The following DOCK1 variants were observed in gnomAD, a reference collection of about 807,000 sequenced individuals.
The protein encoded by DOCK1 is dedicator of cytokinesis 1.
A neutral mutation model predicts 262.7 loss-of-function variants in DOCK1; 138 were observed. The observed-to-expected ratio is 0.53, with a 90% CI of 0.46 to 0.61. The LOEUF (loss-of-function observed/expected upper bound fraction) is 0.61. Among genes scored for constraint, DOCK1 ranks in the 20% least tolerant of loss-of-function variants. The pLI, the probability that DOCK1 is intolerant of heterozygous loss-of-function variation, is 0.00. For missense variants in DOCK1, 1,908 were observed against 2,370.7 expected (o/e 0.80, Z 4.05); for synonymous variants, 866 against 867.4 (o/e 1.00, Z 0.03).
intron 29 of DOCK1, among the ~76,000 whole-genome samples, chr10:127,302,683 T>C (rs2061722538): frequency 6.6e-6 from 1 of 151,918 alleles, no homozygotes; most frequent in Non-Finnish European, 1.5e-5. Flanking sequence ...TGATAGTTTG[T>C]AGGCACAATC....
intron 3 of DOCK1, among the ~76,000 whole-genome samples, chr10:126,981,298 T>A (rs1010392551): frequency 1.1e-4 from 17 of 152,220 alleles, no homozygotes; most frequent in African/African-American, 3.1e-4. Flanking sequence ...TGAGGCTGAA[T>A]GTCCTGTTGA....
chr10:126,922,562 C>T (rs1012055937), intron 1 of DOCK1, among the ~76,000 whole-genome samples: 2 of 152,114 alleles, frequency 1.3e-5, no homozygotes, highest in African/African-American at 2.4e-5. Flanking sequence ...CGGAGGGAGG[C>T]GCCATGATCC....
At chr10:127,418,318 T>C in intron 44 of DOCK1, 47 bp from the exon 45 acceptor site, 2 of 1,540,406 alleles carry the variant, frequency 1.3e-6, no homozygotes, top group South Asian at 1.3e-5. Context: ...ACCCTGGGAG[T>C]GGAGGCAGCT....
In DOCK1 at chr10:127,181,507, C is replaced by T. The variant is rs187351480; in HGVS notation, c.2847+53743C>T. Among the ~76,000 whole-genome samples, 705 of 152,250 alleles carry T rather than the reference C, an allele frequency of 4.6e-3. 8 individuals carry two copies. Among genetic ancestry groups the T allele is most frequent in the Non-Finnish European group, 6.0e-3 (405 of 68,034 alleles). ...ACACCTCCCAGGGCCCAGCAGTCTC[C>T]GCATATAGTAAGATAGCTAGGCAAG... On this transcript the variant is annotated intron_variant, in intron 27 of 51. Transcript: ENST00000623213.
intron 6 of DOCK1, 137 bp from the exon 7 acceptor site, chr10:126,996,611 T>A: frequency 1.3e-6 from 1 of 766,708 alleles, no homozygotes; most frequent in Non-Finnish European, 1.9e-6. Flanking sequence ...TCCAAGAATT[T>A]TATATTCCTA....
At chr10:127,294,889 G>A (rs998940219) in intron 29 of DOCK1, among the ~76,000 whole-genome samples, 143 of 151,306 alleles carry the variant, frequency 9.5e-4, no homozygotes, top group Non-Finnish European at 1.1e-3. Flanking sequence ...TGATCCGCCC[G>A]CCTCAGTCTC....
chr10:127,354,297 G>A (rs777543860), intron 31 of DOCK1, among the ~76,000 whole-genome samples: 3 of 152,208 alleles, frequency 2.0e-5, no homozygotes, highest in African/African-American at 4.8e-5. Flanking sequence ...GCAACCTGTT[G>A]TGTGCAGTAG....
chr10:127,105,167 CT>C (rs1213790262), intron 23 of DOCK1, among the ~76,000 whole-genome samples: 1 of 152,194 alleles, frequency 6.6e-6, no homozygotes, highest in East Asian at 1.9e-4. Context: ...GCTTTTGCTC[CT>C]CCTTCACCTT....
At chr10:127,191,091 T>G (rs1434913038) in intron 27 of DOCK1, among the ~76,000 whole-genome samples, 1 of 152,164 alleles carries the variant, frequency 6.6e-6, no homozygotes, top group Non-Finnish European at 1.5e-5. Flanking sequence ...CATACAAGTC[T>G]GTAGCCCTGA....
At chr10:127,297,499 A>G (rs1460275633) in intron 29 of DOCK1, among the ~76,000 whole-genome samples, 1 of 149,458 alleles carries the variant, frequency 6.7e-6, no homozygotes, top group African/African-American at 2.5e-5. Flanking sequence ...GTGAGCACAG[A>G]AGGAGGAGAG....
intron 23 of DOCK1, among the ~76,000 whole-genome samples, chr10:127,066,518 T>C (rs2045884182): frequency 2.0e-5 from 3 of 152,160 alleles, no homozygotes; most frequent in African/African-American, 7.2e-5. Flanking sequence ...CAGATTCCAG[T>C]GTGTGACATC....
chr10:126,960,745 T>TATATATATATAC (rs1429186588), intron 1 of DOCK1, among the ~76,000 whole-genome samples: 35 of 115,522 alleles, frequency 3.0e-4, no homozygotes, highest in African/African-American at 1.4e-3. Flanking sequence ...TATATATATA[T>TATATATATATAC]ACACACACAC....
chr10:127,441,750 T>G (rs2070165145), intron 49 of DOCK1, among the ~76,000 whole-genome samples: 2 of 42,852 alleles, frequency 4.7e-5, no homozygotes, highest in South Asian at 1.5e-3. Flanking sequence ...GGGCCTCCCC[T>G]GCACCCCAGC....
intron 11 of DOCK1, among the ~76,000 whole-genome samples, chr10:127,011,127 C>G (rs1335833231): frequency 6.6e-6 from 1 of 152,060 alleles, no homozygotes; most frequent in Admixed American, 6.5e-5. Flanking sequence ...ATGTGTAACT[C>G]TTATGTAATT....
intron 25 of DOCK1, among the ~76,000 whole-genome samples, chr10:127,111,316 TA>T (rs901369886): frequency 5.3e-5 from 8 of 152,208 alleles, no homozygotes; most frequent in Non-Finnish European, 8.8e-5. Flanking sequence ...TGACTTCATT[TA>T]GGTGAGAGTG....
rs1360714522 is a variant in DOCK1, at chr10:127,190,664, TTCCCCCC to T, written c.2848-57343_2848-57337del. On this transcript the variant is annotated intron_variant, in intron 27 of 51. Transcript: ENST00000623213. ...TCAAATATTTAATAGAAATCCTATC[TTCCCCCC>T]CCCCCCCCCCCCGTTCCTGCTGGCT... Among the ~76,000 whole-genome samples the T allele has an allele frequency of 7.1e-3, 109 of 15,266 alleles. 27 individuals are homozygous for T. The highest frequency in any genetic ancestry group is 0.062 in the Middle Eastern group (1 of 16). The allele number at this position is 15,266 out of a possible 152,430, so 10.0% of individuals were successfully genotyped here.
At chr10:126,935,146 G>A (rs2034483408) in intron 1 of DOCK1, among the ~76,000 whole-genome samples, 1 of 152,142 alleles carries the variant, frequency 6.6e-6, no homozygotes, top group Non-Finnish European at 1.5e-5. Context: ...TTGGAATGTA[G>A]ACTATTATAT....
At chr10:126,969,346 C>T (rs536895614) in intron 1 of DOCK1, among the ~76,000 whole-genome samples, 121 of 152,274 alleles carry the variant, frequency 7.9e-4, no homozygotes, top group Non-Finnish European at 1.4e-3. Flanking sequence ...AGGCTGCGTG[C>T]GCCTGAAATT....
intron 43 of DOCK1, among the ~76,000 whole-genome samples, chr10:127,414,295 C>T (rs1473766328): frequency 6.6e-6 from 1 of 152,168 alleles, no homozygotes; most frequent in African/African-American, 2.4e-5. Flanking sequence ...CTCAGTGACC[C>T]TGCAGTGCAG....
Sources: allele counts gnomAD v4.1 joint callset (sites outside exome capture counted in the v4.1 genomes callset), GRCh38; gene constraint gnomAD v4.1.1; transcripts MANE v1.5; gene names NCBI Gene and HGNC (gene_info 2026-07-23, HGNC 2026-07-21).